The following ADGRL2 variants were observed in gnomAD, a reference collection of about 807,000 sequenced individuals.
The protein encoded by ADGRL2 is adhesion G protein-coupled receptor L2.
Under a neutral mutation model 157.4 loss-of-function variants are expected in ADGRL2, and 44 were observed. The observed-to-expected ratio is 0.28, with a 90% CI of 0.22 to 0.36. The LOEUF is 0.36. Ranked by LOEUF, ADGRL2 falls within the 10% of genes least tolerant of loss-of-function variation. The pLI is 1.00. For synonymous variants in ADGRL2, 585 were observed against 624.7 expected, an observed-to-expected ratio of 0.94 and a Z score of 0.95; for missense variants, 1,510 against 1,768.9, an observed-to-expected ratio of 0.85 and a Z score of 2.63.
chr1:81,502,061 G>A, intron 2 of ADGRL2: 3 of 1,601,550 alleles, frequency 1.9e-6, no homozygotes, highest in South Asian at 1.1e-5. Flanking sequence ...GCCTGAGGAA[G>A]AGGACGGAGG....
At chr1:81,444,533 C>T (rs2077566084) in intron 1 of ADGRL2, among the ~76,000 whole-genome samples, 1 of 152,194 alleles carries the variant, frequency 6.6e-6, no homozygotes, top group African/African-American at 2.4e-5. Flanking sequence ...GGAACAGATG[C>T]TCAGTTCCTA....
intron 2 of ADGRL2, among the ~76,000 whole-genome samples, chr1:81,503,721 G>A (rs1361987449): frequency 2.6e-5 from 4 of 152,144 alleles, no homozygotes; most frequent in Admixed American, 2.0e-4. Context: ...GTGGGGGTCT[G>A]TGGGTGTCCA....
upstream of ADGRL2, among the ~76,000 whole-genome samples, chr1:81,697,217 A>G (rs1212741668): frequency 6.6e-6 from 1 of 151,994 alleles, no homozygotes; most frequent in Non-Finnish European, 1.5e-5. Context: ...AAAATTTTTG[A>G]AAGTTGCATA....
At chr1:81,819,681 A>G (rs1474527584) in intron 1 of ADGRL2, among the ~76,000 whole-genome samples, 3 of 152,110 alleles carry the variant, frequency 2.0e-5, no homozygotes, top group Admixed American at 1.3e-4. Flanking sequence ...TCTAGTAGGT[A>G]ATCAAGACTG....
chr1:81,717,122 T>A (rs1158120259), intron 1 of ADGRL2, among the ~76,000 whole-genome samples: 2 of 152,242 alleles, frequency 1.3e-5, no homozygotes, highest in Non-Finnish European at 2.9e-5. Flanking sequence ...TTTTCTCTTC[T>A]GGCTGTTTCT....
At chr1:81,388,935 T>C (rs1454050814) in intron 1 of ADGRL2, among the ~76,000 whole-genome samples, 2 of 152,094 alleles carry the variant, frequency 1.3e-5, no homozygotes, top group African/African-American at 2.4e-5. Context: ...CGTAGGTAGA[T>C]AGTCTTTTGC....
In ADGRL2 at chr1:81,707,714, A is replaced by G. The variant is rs563412653; in HGVS notation, c.-143+7906A>G. ...TCAGTGCTCGGTTCTACCCAAACCAATCTGATAACAAATACCACCATATTA... is the reference window on the plus strand; with the variant it reads ...TCAGTGCTCGGTTCTACCCAAACCAGTCTGATAACAAATACCACCATATTA... On this transcript the variant is annotated intron_variant, in intron 1 of 20. Transcript: ENST00000359929. 4.6e-5 allele frequency among the ~76,000 whole-genome samples: 7 copies of G among 152,246 alleles called. No individual in the cohort carries two copies. In the East Asian group the frequency reaches 7.7e-4, roughly 17 times the overall value.
chr1:81,335,735 T>C (rs1661588925), intron 1 of ADGRL2, among the ~76,000 whole-genome samples: 2 of 152,104 alleles, frequency 1.3e-5, no homozygotes, highest in African/African-American at 2.4e-5. Flanking sequence ...CAGTTTTCAC[T>C]GATTTGGAGA....
rs78703752 is a variant in ADGRL2 at position 81,319,704 on chromosome 1, T to C, written c.-302+13195T>C. Among the ~76,000 whole-genome samples the C allele has an allele frequency of 6.2e-4, 94 of 152,332 alleles. No homozygotes were observed. In the East Asian group the frequency reaches 0.015, roughly 24 times the overall value. Reference sequence around the variant, plus strand: ...TATTGCATTCATTAATTTCACTTCTTAGAACAAGGCAATAATCGTAGAGGA... The same window carrying C: ...TATTGCATTCATTAATTTCACTTCTCAGAACAAGGCAATAATCGTAGAGGA... On this transcript the variant is annotated intron_variant, in intron 1 of 24. Coordinates refer to the ADGRL2 transcript ENST00000370721.
At chr1:81,947,074 T>C (rs949439317) in intron 6 of ADGRL2, among the ~76,000 whole-genome samples, 9 of 152,212 alleles carry the variant, frequency 5.9e-5, no homozygotes, top group African/African-American at 2.2e-4. Context: ...GTATTTTGTT[T>C]CTACTCAAAT....
At chr1:81,833,749 T>TGTA (rs2150136958) in intron 1 of ADGRL2, among the ~76,000 whole-genome samples, 1 of 152,330 alleles carries the variant, frequency 6.6e-6, no homozygotes, top group East Asian at 1.9e-4. Flanking sequence ...TCTGAAAGAC[T>TGTA]GCAGCTGACT....
chr1:81,713,150 G>A (rs1481489952), intron 1 of ADGRL2, among the ~76,000 whole-genome samples: 1 of 152,104 alleles, frequency 6.6e-6, no homozygotes, highest in East Asian at 1.9e-4. Flanking sequence ...GACTTCCAAG[G>A]CATTCCATCT....
chr1:81,519,519 AG>A (rs1390071674), intron 2 of ADGRL2, among the ~76,000 whole-genome samples: 1 of 152,256 alleles, frequency 6.6e-6, no homozygotes, highest in Non-Finnish European at 1.5e-5. Context: ...TAATAGCCAA[AG>A]AAGCAACAAA....
intron 2 of ADGRL2, among the ~76,000 whole-genome samples, chr1:81,547,345 G>A (rs1397853276): frequency 6.6e-6 from 1 of 152,162 alleles, no homozygotes; most frequent in East Asian, 1.9e-4. Flanking sequence ...AGGAGCAGAA[G>A]GCCCTTTCCC....
At chr1:81,576,569 G>A (rs2080801495) in intron 2 of ADGRL2, among the ~76,000 whole-genome samples, 1 of 152,110 alleles carries the variant, frequency 6.6e-6, no homozygotes, top group Non-Finnish European at 1.5e-5. Flanking sequence ...CGGGTGTGCA[G>A]CAGATTCAAT....
At position 81,801,046 on chromosome 1, in the gene ADGRL2, C is replaced by T. The variant is rs979881886; in HGVS notation, c.-123C>T. On this transcript the variant is annotated 5_prime_UTR_variant, in exon 1 of 24. Transcript: ENST00000686636. ...CGGGCGGCTGCTTGGCCACCGCCAC[C>T]GCCGTCCGAAGGGCTCGAGCCCGTA... is the stretch of plus-strand genomic sequence containing the variant. 5.3e-5 allele frequency among the ~76,000 whole-genome samples: 8 copies of T among 151,566 alleles called. No individual in the cohort carries two copies. The highest frequency in any genetic ancestry group is 8.8e-5 in the Non-Finnish European group (6 of 67,830).
At chr1:81,446,134 T>C (rs1342634012) in intron 2 of ADGRL2, among the ~76,000 whole-genome samples, 5 of 152,054 alleles carry the variant, frequency 3.3e-5, no homozygotes, top group African/African-American at 1.2e-4. Flanking sequence ...GGAAAGAAAA[T>C]AATTGGCATC....
intron 2 of ADGRL2, among the ~76,000 whole-genome samples, chr1:81,528,583 C>G (rs2079523192): frequency 7.1e-6 from 1 of 140,252 alleles, no homozygotes; most frequent in Non-Finnish European, 1.5e-5. Flanking sequence ...GGTGGCGGAG[C>G]TTGCAGTGAG....
intron 3 of ADGRL2, among the ~76,000 whole-genome samples, chr1:81,934,986 T>A (rs79775028): frequency 6.6e-6 from 1 of 151,978 alleles, no homozygotes; most frequent in African/African-American, 2.4e-5. Flanking sequence ...GTGAACTGTC[T>A]TGTTGCTGCA....
Sources: allele counts gnomAD v4.1 joint callset (sites outside exome capture counted in the v4.1 genomes callset), GRCh38; gene constraint gnomAD v4.1.1; transcripts MANE v1.5; gene names NCBI Gene and HGNC (gene_info 2026-07-23, HGNC 2026-07-21).